Variants in DPYD observed in about 807,000 individuals in gnomAD.
The protein encoded by DPYD is dihydropyrimidine dehydrogenase.
A neutral mutation model predicts 116.2 loss-of-function variants in DPYD; 109 were observed. That is an observed-to-expected ratio of 0.94 (90% CI 0.80 to 1.10). The LOEUF is 1.10. Ranked by LOEUF, DPYD falls within the 50% of genes least tolerant of loss-of-function variation. DPYD has a pLI of 0.00. For synonymous variants in DPYD, 440 were observed against 432.0 expected, an observed-to-expected ratio of 1.02 and a Z score of -0.23; for missense variants, 1,302 against 1,254.5, an observed-to-expected ratio of 1.04 and a Z score of -0.57.
intron 5 of DPYD, among the ~76,000 whole-genome samples, chr1:97,711,441 G>C (rs1224437564): frequency 6.6e-6 from 1 of 151,836 alleles, no homozygotes. Context: ...AAATAAAGTA[G>C]GTGAATGAGT....
intron 8 of DPYD, among the ~76,000 whole-genome samples, chr1:97,603,593 T>C (rs1445509942): frequency 1.3e-5 from 2 of 152,120 alleles, no homozygotes; most frequent in East Asian, 3.9e-4. Flanking sequence ...CCTTTAAAAA[T>C]GTAATATCAA....
chr1:97,725,404 A>T (rs568109461), intron 4 of DPYD, among the ~76,000 whole-genome samples: 1 of 151,570 alleles, frequency 6.6e-6, no homozygotes, highest in Non-Finnish European at 1.5e-5. Flanking sequence ...ATTTCAATAC[A>T]ATCTCTACTA....
intron 3 of DPYD, among the ~76,000 whole-genome samples, chr1:97,746,093 G>A (rs780382099): frequency 3.3e-5 from 5 of 152,056 alleles, no homozygotes; most frequent in Admixed American, 6.6e-5. Flanking sequence ...GTATCACATA[G>A]TTTTGAAGGC....
In DPYD at chr1:97,403,477, A is replaced by G. The variant is rs1400561110; in HGVS notation, c.1906-21016T>C. Among the ~76,000 whole-genome samples, 3 of 152,154 alleles carry G rather than the reference A, an allele frequency of 2.0e-5. No individual in the cohort carries two copies. In the Middle Eastern group the frequency reaches 0.01, roughly 518 times the overall value. ...GCTTTGTTTTGGAAGGTTGTTAATTATTGATTTGATTTCTTTAATAGATAT... is the reference window on the plus strand; with the variant it reads ...GCTTTGTTTTGGAAGGTTGTTAATTGTTGATTTGATTTCTTTAATAGATAT... On this transcript the variant is annotated intron_variant, in intron 14 of 22. Coordinates refer to ENST00000370192, the MANE Select transcript of DPYD (RefSeq NM_000110.4).
chr1:97,417,191 T>C (rs1674333036), intron 14 of DPYD, among the ~76,000 whole-genome samples: 1 of 152,224 alleles, frequency 6.6e-6, no homozygotes, highest in Admixed American at 6.5e-5. Flanking sequence ...ATAAGTTAAG[T>C]AACCTCTGTG....
chr1:97,683,135 T>C (rs1660516540), intron 7 of DPYD, among the ~76,000 whole-genome samples: 1 of 152,000 alleles, frequency 6.6e-6, no homozygotes, highest in Non-Finnish European at 1.5e-5. Flanking sequence ...CTCTTCACAG[T>C]TGTCTAATAG....
At chr1:97,353,951 C>T (rs1200976497) in intron 16 of DPYD, among the ~76,000 whole-genome samples, 4 of 152,266 alleles carry the variant, frequency 2.6e-5, no homozygotes, top group South Asian at 2.1e-4. Flanking sequence ...GCCAGATGGC[C>T]GAGATTTGGG....
intron 12 of DPYD, among the ~76,000 whole-genome samples, chr1:97,539,366 C>T (rs2102049771): frequency 6.6e-6 from 1 of 152,184 alleles, no homozygotes; most frequent in South Asian, 2.1e-4. Flanking sequence ...TAGATCTTTT[C>T]CTTTTCATTT....
At chr1:97,084,376 T>G (rs1253868687) in intron 21 of DPYD, among the ~76,000 whole-genome samples, 1 of 151,458 alleles carries the variant, frequency 6.6e-6, no homozygotes, top group Non-Finnish European at 1.5e-5. Flanking sequence ...TCATGAAGAT[T>G]TCCTTAATCC....
intron 3 of DPYD, among the ~76,000 whole-genome samples, chr1:97,745,676 A>G (rs942692314): frequency 1.3e-5 from 2 of 152,098 alleles, no homozygotes; most frequent in Non-Finnish European, 2.9e-5. Context: ...ATCTTCATCC[A>G]TAACAGATTC....
rs368307947 is a variant in DPYD, at chr1:97,303,780, G to C, written c.2299+1479C>G. 2.6e-4 allele frequency among the ~76,000 whole-genome samples: 39 copies of C among 152,040 alleles called. 1 individual carries two copies. In the East Asian group the frequency reaches 6.8e-3, roughly 27 times the overall value. ...TTAGGGATTTTTTGTTGTTTAAAAT[G>C]AAAGTTCTACCCAGGCTTACCTAAG... On this transcript the variant is annotated intron_variant, in intron 18 of 22. Transcript: ENST00000370192.
In DPYD at chr1:97,648,553, A is replaced by G. The variant is rs895485983; in HGVS notation, c.850+30542T>C. 4.6e-5 allele frequency among the ~76,000 whole-genome samples: 7 copies of G among 152,148 alleles called. No homozygotes were observed. In the East Asian group the frequency reaches 1.4e-3, roughly 29 times the overall value. ...AAAAGAAAACACTTTATTAAAAAAA[A>G]AGAGAAATCAAGTAAAAGTGGAATC... On this transcript the variant is annotated intron_variant, in intron 8 of 22. Transcript: ENST00000370192.
intron 14 of DPYD, among the ~76,000 whole-genome samples, chr1:97,439,523 C>T (rs1675638776): frequency 6.6e-6 from 1 of 152,110 alleles, no homozygotes; most frequent in Admixed American, 6.5e-5. Context: ...AATATGATGT[C>T]ATTTTCCTTT....
intron 20 of DPYD, among the ~76,000 whole-genome samples, chr1:97,154,940 C>A (rs918761446): frequency 6.6e-6 from 1 of 152,042 alleles, no homozygotes; most frequent in Admixed American, 6.6e-5. Context: ...AACAAAAACA[C>A]GTGTCTAGGT....
Position 97,305,252 on chromosome 1 carries a change from C to T in DPYD, c.2299+7G>A, listed in dbSNP as rs369672458. The T allele has an allele frequency of 5.6e-6, 9 of 1,612,042 alleles. No homozygotes were observed. Among genetic ancestry groups the T allele is most frequent in the Middle Eastern group, 1.6e-4 (1 of 6,068 alleles). On this transcript the variant is annotated splice_region_variant and intron_variant, in intron 18 of 22. Transcript: ENST00000370192. ...AAAGCACAATGCAAGAAGTGGGCAA[C>T]ACCTACCAGACACTCCTCCATATGT...
chr1:97,600,568 A>T (rs945380541), intron 8 of DPYD, among the ~76,000 whole-genome samples: 1 of 152,180 alleles, frequency 6.6e-6, no homozygotes, highest in Non-Finnish European at 1.5e-5. Context: ...CCTGCATTAA[A>T]ATTCTAGTTC....
At chr1:97,138,261 T>C (rs1186069550) in intron 20 of DPYD, among the ~76,000 whole-genome samples, 1 of 152,026 alleles carries the variant, frequency 6.6e-6, no homozygotes, top group African/African-American at 2.4e-5. Flanking sequence ...AAGAACTTGT[T>C]TGTTGTTGCT....
chr1:97,776,904 G>A (rs1666438457), intron 3 of DPYD, among the ~76,000 whole-genome samples: 1 of 152,124 alleles, frequency 6.6e-6, no homozygotes, highest in Non-Finnish European at 1.5e-5. Context: ...AGTTGTTACT[G>A]TTATTACAAG....
Position 97,861,174 on chromosome 1 carries a change from G to A in DPYD, c.150+22090C>T, listed in dbSNP as rs2101592360. ...ATTAAGGGAAAATGATAACTATTTT[G>A]TACTAGTAAAAGAAATTCAATACAT... is the stretch of plus-strand genomic sequence containing the variant. On this transcript the variant is annotated intron_variant, in intron 2 of 22. Coordinates refer to ENST00000370192, the MANE Select transcript of DPYD (RefSeq NM_000110.4). Among the ~76,000 whole-genome samples, 3 of 151,982 alleles carry A rather than the reference G, an allele frequency of 2.0e-5. No homozygotes were observed. In the Middle Eastern group the frequency reaches 0.01, roughly 520 times the overall value.
Sources: gnomAD v4.1 joint callset for allele counts (sites outside exome capture counted in the v4.1 genomes callset) on GRCh38, gnomAD v4.1.1 for gene constraint, MANE v1.5 for transcripts, NCBI Gene and HGNC (gene_info 2026-07-23, HGNC 2026-07-21) for gene names.